Variants in BTBD16 observed in about 807,000 individuals in gnomAD.
The protein encoded by BTBD16 is BTB/POZ domain-containing protein 16.
In BTBD16, 66 loss-of-function variants were observed where a neutral mutation model predicts 67.4. The observed-to-expected ratio is 0.98, with a 90% confidence interval of 0.80 to 1.20. The LOEUF (loss-of-function observed/expected upper bound fraction) is 1.20. Among genes scored for constraint, BTBD16 ranks in the 50% most tolerant of loss-of-function variants. The pLI, the probability that BTBD16 is intolerant of heterozygous loss-of-function variation, is 0.00. For synonymous variants in BTBD16, 242 were observed against 236.4 expected (o/e 1.02, Z -0.22); for missense variants, 634 against 616.0 (o/e 1.03, Z -0.31).
intron 8 of BTBD16, 87 bp downstream of exon 8, chr10:122,297,924 C>A: frequency 1.7e-6 from 2 of 1,147,452 alleles, no homozygotes; most frequent in South Asian, 2.6e-5. Flanking sequence ...ACCAGGCCTA[C>A]TTCCCCCCAG....
At chr10:122,305,083 T>C (rs1165697369) in intron 9 of BTBD16, among the ~76,000 whole-genome samples, 1 of 152,196 alleles carries the variant, frequency 6.6e-6, no homozygotes, top group Non-Finnish European at 1.5e-5. Flanking sequence ...CCTGTGAATA[T>C]GTTGGGTTGT....
intron 10 of BTBD16, among the ~76,000 whole-genome samples, chr10:122,313,618 C>T (rs61007562): frequency 0.062 from 9,437 of 152,226 alleles, 354 homozygotes; most frequent in African/African-American, 0.099. Context: ...TGGATATTCT[C>T]CTATTTTCTT....
chr10:122,290,833 A>T (rs1305344618), intron 6 of BTBD16, among the ~76,000 whole-genome samples: 1 of 152,222 alleles, frequency 6.6e-6, no homozygotes. Flanking sequence ...CTCACCCCTG[A>T]GAACAGGCTT....
intron 2 of BTBD16, among the ~76,000 whole-genome samples, chr10:122,275,421 A>G (rs1296541411): frequency 6.6e-6 from 1 of 152,146 alleles, no homozygotes; most frequent in Non-Finnish European, 1.5e-5. Flanking sequence ...ATCCTACTTT[A>G]TACTTTTTAC....
intron 3 of BTBD16, among the ~76,000 whole-genome samples, chr10:122,283,100 A>C (rs756621276): frequency 6.6e-6 from 1 of 152,198 alleles, no homozygotes. Context: ...CCCCAAGAGC[A>C]ATGGGGAAAC....
intron 7 of BTBD16, among the ~76,000 whole-genome samples, chr10:122,296,862 A>T (rs1031905111): frequency 2.6e-5 from 4 of 152,260 alleles, no homozygotes; most frequent in Non-Finnish European, 1.5e-5. Context: ...AGTGTGGAGC[A>T]GTGTTAAACA....
intron 5 of BTBD16, chr10:122,287,386 AC>A: frequency 1.0e-6 from 1 of 977,790 alleles, no homozygotes; most frequent in Non-Finnish European, 1.2e-6. Context: ...ACGGTCTTTA[AC>A]ATGTCTAGAA....
chr10:122,287,526 C>T (rs1234973151), intron 5 of BTBD16: 129 of 960,166 alleles, frequency 1.3e-4, no homozygotes, highest in Non-Finnish European at 1.6e-4. Context: ...GTGCCCTGGA[C>T]TGTCACAACT....
At chr10:122,320,391 A>G (rs545540286) in intron 10 of BTBD16, among the ~76,000 whole-genome samples, 1 of 152,164 alleles carries the variant, frequency 6.6e-6, no homozygotes, top group Non-Finnish European at 1.5e-5. Context: ...TTTGATGATA[A>G]ATTTTATCAG....
chr10:122,287,147 C>T (rs375175113), intron 5 of BTBD16, among the ~76,000 whole-genome samples: 2 of 152,212 alleles, frequency 1.3e-5, no homozygotes, highest in East Asian at 1.9e-4. Flanking sequence ...CAGTGAGAGC[C>T]AGCTGGGCTC....
intron 3 of BTBD16, among the ~76,000 whole-genome samples, chr10:122,277,361 G>A (rs951420867): frequency 6.6e-6 from 1 of 152,112 alleles, no homozygotes; most frequent in Non-Finnish European, 1.5e-5. Context: ...CCGAGCAGTA[G>A]GCTAGACCCA....
At chr10:122,333,089 A>G in intron 13 of BTBD16, 2 of 390,680 alleles carry the variant, frequency 5.1e-6, no homozygotes, top group Non-Finnish European at 7.0e-6. Context: ...CCAAGAAATC[A>G]GTGATCTCCT....
intron 11 of BTBD16, 55 bp downstream of exon 11, chr10:122,329,626 AC>A: frequency 1.7e-5 from 25 of 1,472,822 alleles, no homozygotes; most frequent in Non-Finnish European, 2.0e-5. Context: ...GCACCTGCCC[AC>A]CCCCCAGCCA....
At chr10:122,333,503 G>C (rs2096458286) in intron 13 of BTBD16, among the ~76,000 whole-genome samples, 1 of 152,166 alleles carries the variant, frequency 6.6e-6, no homozygotes, top group South Asian at 2.1e-4. Flanking sequence ...ACCAAGGAAA[G>C]GAGGGTCTAA....
At chr10:122,337,420 G>C (rs192020810) in intron 15 of BTBD16, among the ~76,000 whole-genome samples, 6 of 152,284 alleles carry the variant, frequency 3.9e-5, no homozygotes, top group African/African-American at 1.2e-4. Context: ...GAACATGAAG[G>C]ACATTTCTGT....
intron 3 of BTBD16, among the ~76,000 whole-genome samples, chr10:122,283,025 G>A (rs1369944706): frequency 6.6e-6 from 1 of 152,216 alleles, no homozygotes; most frequent in Non-Finnish European, 1.5e-5. Flanking sequence ...AGTGGGGACC[G>A]TTGAGGGACC....
At chr10:122,328,828 A>G (rs1167268895) in intron 10 of BTBD16, 1 of 985,284 alleles carries the variant, frequency 1.0e-6, no homozygotes. Flanking sequence ...GGATCTTCTC[A>G]ACCCAGCGCT....
chr10:122,295,719 C>G (rs1353945212), intron 7 of BTBD16, among the ~76,000 whole-genome samples: 2 of 152,066 alleles, frequency 1.3e-5, no homozygotes, highest in African/African-American at 4.8e-5. Context: ...AGGCAAAATG[C>G]CCAGGGGATG....
intron 3 of BTBD16, among the ~76,000 whole-genome samples, chr10:122,277,426 C>T (rs1375065616): frequency 6.6e-6 from 1 of 152,152 alleles, no homozygotes; most frequent in Non-Finnish European, 1.5e-5. Flanking sequence ...GAGCTGGACC[C>T]TTGCCTTAGT....
Sources: allele counts gnomAD v4.1 joint callset (sites outside exome capture counted in the v4.1 genomes callset), GRCh38; gene constraint gnomAD v4.1.1; transcripts MANE v1.5; gene names NCBI Gene and HGNC (gene_info 2026-07-23, HGNC 2026-07-21).